PTPN14: variants seen among roughly 807,000 people sequenced by gnomAD.
PTPN14 encodes tyrosine-protein phosphatase non-receptor type 14.
A neutral mutation model predicts 126.8 loss-of-function variants in PTPN14; 53 were observed. The ratio of observed to expected loss-of-function variants is 0.42; its 90% confidence interval spans 0.34 to 0.53. The LOEUF is 0.53. Among genes scored for constraint, PTPN14 ranks in the 20% least tolerant of loss-of-function variants. The pLI is 0.08. For missense variants in PTPN14, 1,257 were observed against 1,552.9 expected (o/e 0.81, Z 3.20); for synonymous variants, 630 against 599.3 (o/e 1.05, Z -0.75).
chr1:214,402,394 C>T (rs185084819), intron 6 of PTPN14, among the ~76,000 whole-genome samples: 3 of 135,062 alleles, frequency 2.2e-5, no homozygotes, highest in Non-Finnish European at 4.6e-5. Context: ...GGACCGAGAT[C>T]GCACCACTGC....
intron 1 of PTPN14, among the ~76,000 whole-genome samples, chr1:214,465,814 C>T (rs1190247297): frequency 1.3e-5 from 2 of 151,854 alleles, no homozygotes; most frequent in African/African-American, 4.8e-5. Context: ...GATCTTGTTC[C>T]TCCTCACTCT....
intron 1 of PTPN14, among the ~76,000 whole-genome samples, chr1:214,528,071 A>G (rs1188395765): frequency 1.3e-5 from 2 of 152,244 alleles, no homozygotes; most frequent in Non-Finnish European, 2.9e-5. Context: ...AATATTTAAT[A>G]TTCATGTATA....
At chr1:214,530,243 C>CT (rs1300059554) in intron 1 of PTPN14, 2 of 151,986 alleles carry the variant, frequency 1.3e-5, no homozygotes, top group Non-Finnish European at 2.9e-5. Flanking sequence ...AACAGTAACT[C>CT]TTTGAGGGCA....
rs369902783 is a variant in PTPN14, at chr1:214,394,895, T to A, written c.846+4A>T. On this transcript the variant is annotated splice_donor_region_variant and intron_variant, in intron 9 of 18. Coordinates refer to ENST00000366956, the MANE Select transcript of PTPN14 (RefSeq NM_005401.5). ...GACCCTGACTGTTTGTCTGTTGTGC[T>A]TACCGTGTGAAAGAGGGCAGTCTCT... 35 of 1,609,412 alleles carry A rather than the reference T, an allele frequency of 2.2e-5. No homozygotes were observed. The African/African-American group carries it at 4.7e-4, about 21-fold the overall frequency.
chr1:214,381,219 A>C (rs1326371013), intron 13 of PTPN14, among the ~76,000 whole-genome samples: 1 of 152,210 alleles, frequency 6.6e-6, no homozygotes, highest in Non-Finnish European at 1.5e-5. Flanking sequence ...AAGAGGATGA[A>C]TACAACCAAA....
At chr1:214,369,923 C>T (rs920853994) in intron 16 of PTPN14, among the ~76,000 whole-genome samples, 2 of 152,294 alleles carry the variant, frequency 1.3e-5, no homozygotes, top group South Asian at 4.1e-4. Flanking sequence ...AACCGAGGTG[C>T]AGTAGAATGT....
intron 3 of PTPN14, among the ~76,000 whole-genome samples, chr1:214,445,621 A>G (rs1259357631): frequency 6.6e-6 from 1 of 152,096 alleles, no homozygotes; most frequent in Non-Finnish European, 1.5e-5. Context: ...AGAAGTTTGT[A>G]GCCTAAATTC....
At chr1:214,373,118 G>A (rs776559615) in intron 15 of PTPN14, among the ~76,000 whole-genome samples, 5 of 152,126 alleles carry the variant, frequency 3.3e-5, no homozygotes, top group African/African-American at 9.7e-5. Flanking sequence ...ACAGTGGCAC[G>A]ATCTTGGCTC....
rs1481509462 is a variant in PTPN14, at chr1:214,539,525, T to C, written c.-155+11658A>G. Among the ~76,000 whole-genome samples the C allele has an allele frequency of 2.0e-5, 3 of 152,222 alleles. No individual in the cohort carries two copies. In the East Asian group the frequency reaches 5.8e-4, roughly 29 times the overall value. ...GGCCTGATGTGCTGCTCACTGTGCA[T>C]TCTCTTTTATCATACCCAAAAAGAT... On this transcript the variant is annotated intron_variant, in intron 1 of 18. Transcript: ENST00000366956.
At chr1:214,450,309 C>A (rs959904134) in intron 3 of PTPN14, among the ~76,000 whole-genome samples, 3 of 150,652 alleles carry the variant, frequency 2.0e-5, no homozygotes, top group Non-Finnish European at 4.4e-5. Context: ...CCGTCTCTAC[C>A]ATAAATACAA....
At chr1:214,437,010 ATTTTTT>A (rs10582793) in intron 3 of PTPN14, among the ~76,000 whole-genome samples, 26 of 147,762 alleles carry the variant, frequency 1.8e-4, no homozygotes, top group African/African-American at 6.4e-4. Flanking sequence ...GCCTCTCTGT[ATTTTTT>A]TTTTTTTTTA....
chr1:214,385,398 G>A (rs1218935584), intron 12 of PTPN14, among the ~76,000 whole-genome samples: 1 of 152,118 alleles, frequency 6.6e-6, no homozygotes, highest in Non-Finnish European at 1.5e-5. Flanking sequence ...ATCCCCTCTA[G>A]ATCTGGTTTC....
rs538830219 is a variant in PTPN14, at chr1:214,362,492, G to A, written c.3435+2020C>T. On this transcript the variant is annotated intron_variant, in intron 18 of 18. Coordinates refer to ENST00000366956, the MANE Select transcript of PTPN14 (RefSeq NM_005401.5). ...AAGTCCACAGGAGGCCACACTGGCC[G>A]AATCCCTTACTCCAAACTGTTCCGG... 2.0e-5 allele frequency among the ~76,000 whole-genome samples: 3 copies of A among 152,328 alleles called. No homozygotes were observed. In the South Asian group the frequency reaches 6.2e-4, roughly 32 times the overall value.
At chr1:214,360,255 G>A (rs190898934) in intron 18 of PTPN14, among the ~76,000 whole-genome samples, 150 of 152,264 alleles carry the variant, frequency 9.9e-4, no homozygotes, top group Admixed American at 2.7e-3. Context: ...GACATGACAC[G>A]TGCCATCAGT....
intron 3 of PTPN14, among the ~76,000 whole-genome samples, chr1:214,428,965 GC>G (rs1317867592): frequency 1.3e-5 from 2 of 152,148 alleles, no homozygotes; most frequent in African/African-American, 4.8e-5. Flanking sequence ...ATGCATTTCT[GC>G]CATCTGAAGT....
intron 1 of PTPN14, among the ~76,000 whole-genome samples, chr1:214,514,191 C>A (rs1375153307): frequency 6.6e-6 from 1 of 152,064 alleles, no homozygotes; most frequent in Admixed American, 6.6e-5. Flanking sequence ...CAACATATAA[C>A]CTCAGGGGGC....
intron 1 of PTPN14, among the ~76,000 whole-genome samples, chr1:214,505,484 GT>G (rs1217076011): frequency 1.3e-5 from 2 of 152,214 alleles, no homozygotes; most frequent in African/African-American, 4.8e-5. Flanking sequence ...CCACACAGTG[GT>G]GGAGCTGCCA....
At chr1:214,401,162 T>C (rs943866132) in intron 7 of PTPN14, among the ~76,000 whole-genome samples, 6 of 152,140 alleles carry the variant, frequency 3.9e-5, no homozygotes, top group Admixed American at 2.0e-4. Flanking sequence ...TGTGATGTGC[T>C]ATAGCAGTTT....
chr1:214,351,279 A>G lies in PTPN14; in HGVS notation c.*6643T>C, dbSNP rs7413899. 93,022 of 145,466 alleles carry G rather than the reference A, an allele frequency of 0.64. 31,130 individuals carry two copies. The highest frequency in any genetic ancestry group is 0.84 in the African/African-American group (32,886 of 39,148). The allele number at this position is 145,466 out of a possible 1,614,324, so 9.0% of individuals were successfully genotyped here. The stretch of plus-strand genomic sequence containing the variant: ...GCCTGCGCAACAGGAGTGAGACACG[A>G]TCTCAAAAACTAAAAAAAAAAAAAA... On this transcript the variant is annotated 3_prime_UTR_variant, in exon 19 of 19. Transcript: ENST00000366956.
Sources: allele counts gnomAD v4.1 joint callset (sites outside exome capture counted in the v4.1 genomes callset), GRCh38; gene constraint gnomAD v4.1.1; transcripts MANE v1.5; gene names NCBI Gene and HGNC (gene_info 2026-07-23, HGNC 2026-07-21).